CCSER1: variants seen among roughly 807,000 people sequenced by gnomAD.
CCSER1 encodes the protein coiled-coil serine rich protein 1, also known as serine-rich coiled-coil domain-containing protein 1.
In CCSER1, 41 loss-of-function variants were observed where a neutral mutation model predicts 82.0. The observed-to-expected ratio is 0.50, with a 90% confidence interval of 0.39 to 0.65. The LOEUF (loss-of-function observed/expected upper bound fraction) is 0.65. CCSER1 is among the 30% of genes least tolerant of loss of function. The probability of loss-of-function intolerance (pLI) is 0.00; values close to 1 mark genes in which losing one functional copy is unlikely to be tolerated. For missense variants in CCSER1, 1,119 were observed against 1,064.2 expected (o/e 1.05, Z -0.72); for synonymous variants, 414 against 383.9 (o/e 1.08, Z -0.92).
intron 1 of CCSER1, among the ~76,000 whole-genome samples, chr4:90,286,846 C>G (rs1329859414): frequency 1.3e-5 from 2 of 151,960 alleles, no homozygotes; most frequent in African/African-American, 4.8e-5. Context: ...AAACTTCACC[C>G]TGTGGCCTGT....
At chr4:90,903,311 T>G (rs1473488829) in intron 8 of CCSER1, among the ~76,000 whole-genome samples, 2 of 152,062 alleles carry the variant, frequency 1.3e-5, no homozygotes, top group Non-Finnish European at 2.9e-5. Context: ...GATGGGTTTA[T>G]CAGGGGCTTC....
At chr4:90,262,340 G>C (rs1041525169) in intron 1 of CCSER1, among the ~76,000 whole-genome samples, 6 of 152,058 alleles carry the variant, frequency 3.9e-5, no homozygotes, top group Admixed American at 2.6e-4. Flanking sequence ...GCTGAAGACT[G>C]TATGAGTTCG....
At chr4:90,775,168 C>CT (rs1356800398) in intron 7 of CCSER1, among the ~76,000 whole-genome samples, 1 of 152,108 alleles carries the variant, frequency 6.6e-6, no homozygotes, top group East Asian at 1.9e-4. Flanking sequence ...ACATATCCTC[C>CT]TATATAGACC....
intron 9 of CCSER1, among the ~76,000 whole-genome samples, chr4:91,054,627 C>T (rs1743285375): frequency 1.3e-5 from 2 of 151,280 alleles, no homozygotes; most frequent in African/African-American, 2.4e-5. Context: ...TAAAGTGAGT[C>T]TCTTTTGGAT....
chr4:90,830,864 A>G (rs1561211975), intron 8 of CCSER1, among the ~76,000 whole-genome samples: 1 of 152,162 alleles, frequency 6.6e-6, no homozygotes, highest in African/African-American at 2.4e-5. Flanking sequence ...TATTTTAATA[A>G]TGAATGCTGA....
chr4:91,025,595 T>G (rs1414825923), intron 9 of CCSER1, among the ~76,000 whole-genome samples: 1 of 152,096 alleles, frequency 6.6e-6, no homozygotes, highest in African/African-American at 2.4e-5. Context: ...GAAGTCATTT[T>G]GTGGCAAAGC....
At chr4:91,508,127 G>A (rs2110108589) in intron 10 of CCSER1, among the ~76,000 whole-genome samples, 1 of 122,788 alleles carries the variant, frequency 8.1e-6, no homozygotes, top group East Asian at 2.5e-4. Context: ...GGATAGAAGT[G>A]TCTAGGACAG....
intron 7 of CCSER1, among the ~76,000 whole-genome samples, chr4:90,738,441 GT>G (rs1157561548): frequency 1.3e-5 from 2 of 152,052 alleles, no homozygotes; most frequent in African/African-American, 4.8e-5. Flanking sequence ...AGAGATTCTT[GT>G]TGTTTTCTCT....
At chr4:90,231,152 G>A (rs7681478) in intron 1 of CCSER1, among the ~76,000 whole-genome samples, 6,944 of 151,882 alleles carry the variant, frequency 0.046, 389 homozygotes, top group East Asian at 0.25. Context: ...TAGCAAAGCC[G>A]GGCAGAGACA....
rs141943017 is a variant in CCSER1 at position 90,227,665 on chromosome 4, G to T, written c.-41-80579G>T. Among the ~76,000 whole-genome samples, 824 of 152,340 alleles carry T rather than the reference G, an allele frequency of 5.4e-3. 5 individuals are homozygous for T. Among genetic ancestry groups the T allele is most frequent in the African/African-American group, 0.019 (792 of 41,578 alleles). Reference sequence around the variant, plus strand: ...AGCTCTGGTCTACAGCTCCCAGCGTGAGCGACGCAGAAGATGGGTGATTTC... The same window carrying T: ...AGCTCTGGTCTACAGCTCCCAGCGTTAGCGACGCAGAAGATGGGTGATTTC... On this transcript the variant is annotated intron_variant, in intron 1 of 10. Transcript: ENST00000509176.
At chr4:90,707,534 AAAAAAT>A (rs1739617169) in intron 6 of CCSER1, among the ~76,000 whole-genome samples, 1 of 143,640 alleles carries the variant, frequency 7.0e-6, no homozygotes, top group Non-Finnish European at 1.5e-5. Context: ...TACCTTAAAA[AAAAAAT>A]ATATATATAT....
intron 10 of CCSER1, among the ~76,000 whole-genome samples, chr4:91,570,961 G>C (rs1763146316): frequency 6.6e-6 from 1 of 152,100 alleles, no homozygotes; most frequent in African/African-American, 2.4e-5. Context: ...CCTTCCATCA[G>C]ATACTCTAAA....
intron 10 of CCSER1, among the ~76,000 whole-genome samples, chr4:91,125,057 T>A (rs1727387691): frequency 6.6e-6 from 1 of 151,730 alleles, no homozygotes; most frequent in South Asian, 2.1e-4. Flanking sequence ...TAGAAATAAA[T>A]TTATGATTTT....
intron 10 of CCSER1, among the ~76,000 whole-genome samples, chr4:91,267,971 T>TACTAGCAGGA (rs1741731494): frequency 6.6e-6 from 1 of 152,178 alleles, no homozygotes; most frequent in Non-Finnish European, 1.5e-5. Context: ...TAGCAGGAGA[T>TACTAGCAGGA]GTATTATTGA....
rs1283808485 is a variant in CCSER1 at position 90,573,411 on chromosome 4, G to A, written c.1725-54614G>A. On this transcript the variant is annotated intron_variant, in intron 5 of 10. Transcript: ENST00000509176. ...GCTGGGTTTTATTGTGGTAGGCCCA[G>A]TGGTAGAGTCCACGGCAAAATCTTG... Among the ~76,000 whole-genome samples, 5 of 152,350 alleles carry A rather than the reference G, an allele frequency of 3.3e-5. No individual in the cohort carries two copies. In the South Asian group the frequency reaches 8.3e-4, roughly 25 times the overall value.
rs183905830 is a variant in CCSER1, at chr4:91,557,222, C to T, written c.2218-41350C>T. ...TGTCCTTAGGAGCTCTTGGTATCCA[C>T]GTATACAAGTCAATTATTTGTTTCT... On this transcript the variant is annotated intron_variant, in intron 10 of 10. Coordinates refer to ENST00000509176, the MANE Select transcript of CCSER1 (RefSeq NM_001145065.2). Among the ~76,000 whole-genome samples the T allele has an allele frequency of 1.5e-4, 23 of 151,276 alleles. No homozygotes were observed. The East Asian group carries it at 3.3e-3, about 22-fold the overall frequency.
chr4:91,565,883 CT>C, intron 10 of CCSER1, among the ~76,000 whole-genome samples: 1 of 151,968 alleles, frequency 6.6e-6, no homozygotes, highest in Non-Finnish European at 1.5e-5. Context: ...CCCTTTATTC[CT>C]TTTTCTTGCC....
chr4:90,659,092 T>TC (rs1032788626), intron 6 of CCSER1, among the ~76,000 whole-genome samples: 3 of 151,762 alleles, frequency 2.0e-5, no homozygotes, highest in Admixed American at 2.0e-4. Context: ...GGCTTTTTTT[T>TC]TTTTTTTGAG....
Position 90,723,921 on chromosome 4 carries a change from A to T in CCSER1, c.1940A>T (p.Asp647Val), listed in dbSNP as rs562246982. 2.6e-6 allele frequency: 4 copies of T among 1,568,154 alleles called. No homozygotes were observed. Among genetic ancestry groups the T allele is most frequent in the Non-Finnish European group, 2.6e-6 (3 of 1,153,076 alleles). The change falls in exon 7 of 11, where the codon GAC becomes GTC. Residue 647 changes from aspartate to valine, a missense_variant. Physicochemically the swap from Asp to Val is radical, Grantham distance 152. Coordinates refer to ENST00000509176, the MANE Select transcript of CCSER1 (RefSeq NM_001145065.2). ...KMKRVLQESA[D>V]MSPASSTTSL... ...ATTTCACTGTCCTTGCAGAGTGCAG[A>T]CATGAGTCCAGCAAGCAGTACCACG...
Sources: gnomAD v4.1 joint callset for allele counts (sites outside exome capture counted in the v4.1 genomes callset) on GRCh38, gnomAD v4.1.1 for gene constraint, MANE v1.5 for transcripts, NCBI Gene and HGNC (gene_info 2026-07-23, HGNC 2026-07-21) for gene names.